CHSY3: variants seen among roughly 807,000 people sequenced by gnomAD.
The protein encoded by CHSY3 is chondroitin sulfate synthase 3, also known as N-acetylgalactosaminyl-proteoglycan 3-beta-glucuronosyltransferase 3.
A neutral mutation model predicts 67.2 loss-of-function variants in CHSY3; 35 were observed. The ratio of observed to expected loss-of-function variants is 0.52; its 90% CI spans 0.40 to 0.69. The LOEUF is 0.69. Ranked by LOEUF, CHSY3 falls within the 30% of genes least tolerant of loss-of-function variation. The pLI, the probability that CHSY3 is intolerant of heterozygous loss-of-function variation, is 0.00. For synonymous variants in CHSY3, 474 were observed against 434.7 expected (o/e 1.09, Z -1.12); for missense variants, 1,069 against 1,138.5 (o/e 0.94, Z 0.88).
At chr5:130,001,924 A>G in intron 2 of CHSY3, 1 of 858,886 alleles carries the variant, frequency 1.2e-6, no homozygotes, top group Non-Finnish European at 1.4e-6. Flanking sequence ...AATTCTGGCT[A>G]GTTCCTTTAA....
intron 2 of CHSY3, among the ~76,000 whole-genome samples, chr5:130,150,743 A>G (rs1323103858): frequency 6.6e-6 from 1 of 152,210 alleles, no homozygotes; most frequent in Non-Finnish European, 1.5e-5. Context: ...AATGAAGGAC[A>G]CATTCAAAAT....
rs201748097 is a variant in CHSY3, at chr5:130,185,125, G to A, written c.1983G>A (p.Arg661=). The change falls in exon 3 of 3, where the codon AGG becomes AGA. Residue 661 remains arginine (R), a synonymous_variant. Transcript: ENST00000305031. ...AGTTGGTCATTATCCTTTTCAGTAG[G>A]GATTCTGGCCAAGACTCCAGCAAGC... ...NVKLVIILFS[R]DSGQDSSKHI... 116 of 1,598,156 alleles carry A rather than the reference G, an allele frequency of 7.3e-5. 1 individual carries two copies. In the East Asian group the frequency reaches 2.3e-3, roughly 32 times the overall value.
intron 2 of CHSY3, among the ~76,000 whole-genome samples, chr5:130,168,745 C>G (rs1041287456): frequency 9.9e-5 from 15 of 152,010 alleles, no homozygotes; most frequent in Non-Finnish European, 1.9e-4. Context: ...AGGCTACACT[C>G]TAGGAGCTGG....
chr5:130,083,215 C>T (rs947431837), intron 2 of CHSY3, among the ~76,000 whole-genome samples: 2 of 151,916 alleles, frequency 1.3e-5, no homozygotes, highest in African/African-American at 4.8e-5. Flanking sequence ...TATTTGGTCT[C>T]CTATCAATTA....
chr5:129,917,590 A>G (rs141141401), intron 2 of CHSY3, among the ~76,000 whole-genome samples: 360 of 152,356 alleles, frequency 2.4e-3, no homozygotes, highest in African/African-American at 8.3e-3. Flanking sequence ...AATGCTTGCC[A>G]CACAATAAAC....
chr5:129,967,758 G>C (rs977996555), intron 2 of CHSY3, among the ~76,000 whole-genome samples: 7 of 151,754 alleles, frequency 4.6e-5, no homozygotes, highest in Admixed American at 4.6e-4. Context: ...ACCTGACCAT[G>C]TCCACAGACA....
At chr5:130,128,909 T>A (rs1289078417) in intron 2 of CHSY3, among the ~76,000 whole-genome samples, 4 of 152,004 alleles carry the variant, frequency 2.6e-5, no homozygotes, top group Non-Finnish European at 5.9e-5. Flanking sequence ...CATGGGCATG[T>A]GTATGTTGAC....
chr5:130,120,173 A>C (rs1057351643), intron 2 of CHSY3, among the ~76,000 whole-genome samples: 1 of 152,154 alleles, frequency 6.6e-6, no homozygotes, highest in Admixed American at 6.5e-5. Context: ...CCACCTGCCC[A>C]TTTATAGGGA....
intron 1 of CHSY3, among the ~76,000 whole-genome samples, chr5:129,907,478 G>GT (rs1458950941): frequency 6.6e-6 from 1 of 152,066 alleles, no homozygotes; most frequent in African/African-American, 2.4e-5. Context: ...ATTTTTAAAC[G>GT]TTTTTTCTGA....
chr5:130,129,214 T>G (rs1391337066), intron 2 of CHSY3, among the ~76,000 whole-genome samples: 1 of 152,152 alleles, frequency 6.6e-6, no homozygotes, highest in East Asian at 1.9e-4. Context: ...CATCATCAAT[T>G]TAGCTTAGAT....
At chr5:130,100,617 A>G (rs1234005914) in intron 2 of CHSY3, among the ~76,000 whole-genome samples, 1 of 152,230 alleles carries the variant, frequency 6.6e-6, no homozygotes, top group East Asian at 1.9e-4. Context: ...CAAAAGTTAA[A>G]TAATGTAGCT....
intron 2 of CHSY3, among the ~76,000 whole-genome samples, chr5:130,080,600 G>T (rs1766415285): frequency 6.6e-6 from 1 of 151,998 alleles, no homozygotes; most frequent in South Asian, 2.1e-4. Flanking sequence ...ACTCAGGGTG[G>T]GCTCAGCTGA....
chr5:129,910,530 A>G (rs1357796210), intron 2 of CHSY3, among the ~76,000 whole-genome samples: 2 of 152,074 alleles, frequency 1.3e-5, no homozygotes, highest in Admixed American at 6.5e-5. Context: ...AAAGTCTTAT[A>G]TAGAGAAATG....
At chr5:129,930,837 C>T (rs888757149) in intron 2 of CHSY3, among the ~76,000 whole-genome samples, 2 of 152,138 alleles carry the variant, frequency 1.3e-5, no homozygotes, top group Admixed American at 6.6e-5. Context: ...GGGGATTGAG[C>T]ATCTCTTCTA....
chr5:129,995,761 C>G (rs1763520814), intron 2 of CHSY3, among the ~76,000 whole-genome samples: 2 of 152,036 alleles, frequency 1.3e-5, no homozygotes, highest in Non-Finnish European at 2.9e-5. Flanking sequence ...TCCAAACCAT[C>G]TGTATACCTT....
intron 2 of CHSY3, among the ~76,000 whole-genome samples, chr5:130,105,935 A>G (rs1767400960): frequency 6.6e-6 from 1 of 151,634 alleles, no homozygotes; most frequent in Admixed American, 6.6e-5. Context: ...TTTCTCCAGT[A>G]TTCCCCCAGA....
intron 2 of CHSY3, among the ~76,000 whole-genome samples, chr5:130,006,576 T>G (rs1467763480): frequency 6.6e-6 from 1 of 152,216 alleles, no homozygotes; most frequent in Non-Finnish European, 1.5e-5. Context: ...ATTTTGTATT[T>G]TCTGAATGCA....
intron 2 of CHSY3, among the ~76,000 whole-genome samples, chr5:129,943,778 T>C (rs1251349743): frequency 6.6e-6 from 1 of 152,234 alleles, no homozygotes; most frequent in Non-Finnish European, 1.5e-5. Context: ...TAGATAGTAT[T>C]AAAGAGACAG....
intron 2 of CHSY3, among the ~76,000 whole-genome samples, chr5:129,976,405 C>G (rs1231620806): frequency 6.6e-6 from 1 of 152,100 alleles, no homozygotes; most frequent in African/African-American, 2.4e-5. Context: ...GGATTTGCCC[C>G]CCCATAACCA....
Sources: allele counts gnomAD v4.1 joint callset (sites outside exome capture counted in the v4.1 genomes callset), GRCh38; gene constraint gnomAD v4.1.1; transcripts MANE v1.5; gene names NCBI Gene and HGNC (gene_info 2026-07-23, HGNC 2026-07-21).